Variants in HOXA3 observed in about 807,000 individuals in gnomAD.
The protein encoded by HOXA3 is homeobox A3.
A neutral mutation model predicts 30.3 loss-of-function variants in HOXA3; 8 were observed. The ratio of observed to expected loss-of-function variants is 0.26; its 90% CI spans 0.15 to 0.48. HOXA3 has a LOEUF of 0.48. Among genes scored for constraint, HOXA3 ranks in the 20% least tolerant of loss-of-function variants. HOXA3 has a pLI of 0.99. For missense variants in HOXA3, 653 were observed against 614.4 expected (o/e 1.06, Z -0.66); for synonymous variants, 323 against 273.1 (o/e 1.18, Z -1.80).
At chr7:27,137,392 C>A (rs968768802) in intron 2 of HOXA3, among the ~76,000 whole-genome samples, 5 of 152,142 alleles carry the variant, frequency 3.3e-5, no homozygotes, top group African/African-American at 7.2e-5. Context: ...CTTGTGGGAA[C>A]AAACGAGCCC....
At chr7:27,147,379 T>C in intron 1 of HOXA3, 1 of 1,614,240 alleles carries the variant, frequency 6.2e-7, no homozygotes, top group South Asian at 1.1e-5. Flanking sequence ...GCCTTCGTCA[T>C]GGAGTGCTTT....
intron 3 of HOXA3, among the ~76,000 whole-genome samples, chr7:27,126,614 G>C (rs1309411657): frequency 6.6e-6 from 1 of 152,136 alleles, no homozygotes; most frequent in Non-Finnish European, 1.5e-5. Flanking sequence ...CAACACTTAA[G>C]AAATGGCAAT....
At chr7:27,128,968 T>C in intron 2 of HOXA3, 1 of 557,636 alleles carries the variant, frequency 1.8e-6, no homozygotes, top group Admixed American at 3.1e-5. Context: ...TTCTCAGGTA[T>C]CCACACCTGG....
At chr7:27,129,603 A>G in intron 2 of HOXA3, 1 of 1,606,622 alleles carries the variant, frequency 6.2e-7, no homozygotes, top group Non-Finnish European at 8.5e-7. Context: ...ATAGAAGGCC[A>G]AGGAGGAGGG....
chr7:27,132,336 T>C (rs1278921284), intron 2 of HOXA3, among the ~76,000 whole-genome samples: 2 of 152,212 alleles, frequency 1.3e-5, no homozygotes, highest in African/African-American at 4.8e-5. Context: ...TGAAAAGGAA[T>C]GTCAATTCTA....
chr7:27,131,642 G>A (rs1374307593), intron 2 of HOXA3, among the ~76,000 whole-genome samples: 1 of 152,216 alleles, frequency 6.6e-6, no homozygotes, highest in Non-Finnish European at 1.5e-5. Context: ...GATTGTGAGA[G>A]AGAAGGTGGC....
In HOXA3 at chr7:27,130,466, A is replaced by G. The variant is rs1348793244; in HGVS notation, c.-389-3396T>C. ...GTGTCCGCGGCCCCATGCGCGGGGT[A>G]CAGCGCGGCAGCAGGGTAGGCGGGC... On this transcript the variant is annotated intron_variant, in intron 2 of 5. Transcript: ENST00000612286. 18 of 1,248,524 alleles carry G rather than the reference A, an allele frequency of 1.4e-5. No individual in the cohort carries two copies. Among genetic ancestry groups the G allele is most frequent in the African/African-American group, 3.2e-5 (2 of 62,788 alleles). 77.3% of individuals were successfully genotyped at this position (1,248,524 alleles called of 1,614,324 possible).
intron 1 of HOXA3, chr7:27,142,880 G>A: frequency 3.1e-6 from 2 of 637,766 alleles, no homozygotes; most frequent in African/African-American, 1.9e-5. Flanking sequence ...TGCTCGCAAA[G>A]AAGAGGAGGA....
chr7:27,145,631 G>C, intron 1 of HOXA3: 2 of 1,603,806 alleles, frequency 1.2e-6, no homozygotes, highest in Non-Finnish European at 1.7e-6. Context: ...GGAGGTTGCA[G>C]CGCTGGCCTG....
rs759097377 is a variant in HOXA3 at position 27,108,372 on chromosome 7, T to G, written c.875A>C (p.Gln292Pro). The G allele has an allele frequency of 6.4e-7, 1 of 1,569,522 alleles. No individual in the cohort carries two copies. Among genetic ancestry groups the G allele is most frequent in the Non-Finnish European group, 8.7e-7 (1 of 1,152,852 alleles). The change falls in exon 6 of 6, where the codon CAG becomes CCG. Residue 292 changes from glutamine to proline, a missense_variant. Gln to Pro is a moderately conservative substitution (Grantham distance 76). Coordinates refer to ENST00000612286, the MANE Select transcript of HOXA3 (RefSeq NM_153631.3). The surrounding 1 kb of genome is among the most constrained non-coding windows in gnomAD (Gnocchi z 5.0). ...GGGCTTGGAGAAGGGCGGGGGCGAC[T>G]GGGGCTCATACGGGACGCTGTTGAC... Reference protein sequence around the residue: ...SLVNSVPYEPQSPPPFSKPPQ... With the variant: ...SLVNSVPYEPPSPPPFSKPPQ...
chr7:27,130,183 G>A (rs1785465635), intron 2 of HOXA3: 1 of 1,589,218 alleles, frequency 6.3e-7, no homozygotes, highest in African/African-American at 1.4e-5. Flanking sequence ...CAGGCCCAGC[G>A]GGCTCTTGTC....
rs1480724962 is a variant in HOXA3, at chr7:27,110,672, T to C, written c.-32A>G. On this transcript the variant is annotated 5_prime_UTR_variant, in exon 5 of 6. Coordinates refer to ENST00000612286, the MANE Select transcript of HOXA3 (RefSeq NM_153631.3). ...GTTTCACGATCTTGATCGCACACTC[T>C]GACAGGGGTTTGACACCCGTGAGGG... The C allele has an allele frequency of 2.5e-6, 4 of 1,591,302 alleles. No individual in the cohort carries two copies. The highest frequency in any genetic ancestry group is 3.4e-6 in the Non-Finnish European group (4 of 1,162,022).
chr7:27,108,296 G>A lies in HOXA3; in HGVS notation c.951C>T (p.Pro317=). 1 of 1,523,662 alleles carries A rather than the reference G, an allele frequency of 6.6e-7. No homozygotes were observed. 94.4% of individuals were successfully genotyped at this position (1,523,662 alleles called of 1,614,324 possible). The change falls in exon 6 of 6, where the codon CCC becomes CCT. Residue 317 remains proline, a synonymous_variant. Coordinates refer to ENST00000612286, the MANE Select transcript of HOXA3 (RefSeq NM_153631.3). This position sits in a 1 kb window ranked among gnomAD's most constrained non-coding sequence, Gnocchi z 5.0. The part of the protein sequence containing the change: ...LPPASYPASL[P]SCAPPPPPQK... ...GTGGGGGTGGCGGGGGTGCGCAGCT[G>A]GGCAGGGACGCAGGGTAGGAGGCGG...
chr7:27,128,518 T>C (rs1429245821), intron 2 of HOXA3: 1 of 152,260 alleles, frequency 6.6e-6, no homozygotes, highest in African/African-American at 2.4e-5. Flanking sequence ...GAATCTTAGA[T>C]TTTTAATGTT....
chr7:27,132,067 C>T (rs1050999560), intron 2 of HOXA3, among the ~76,000 whole-genome samples: 1 of 152,138 alleles, frequency 6.6e-6, no homozygotes, highest in Non-Finnish European at 1.5e-5. Context: ...AATACTGATG[C>T]CTTATTTGTG....
At chr7:27,125,988 G>A (rs1467773227) in intron 3 of HOXA3, among the ~76,000 whole-genome samples, 1 of 152,200 alleles carries the variant, frequency 6.6e-6, no homozygotes, top group African/African-American at 2.4e-5. Flanking sequence ...TGAAGTCAGA[G>A]ATGCTATGCG....
intron 1 of HOXA3, chr7:27,146,008 A>G: frequency 6.9e-7 from 1 of 1,442,260 alleles, no homozygotes; most frequent in Admixed American, 2.3e-5. Flanking sequence ...CACCCAGACT[A>G]GAAACCACCC....
At chr7:27,118,744 C>G (rs1784861782) in intron 4 of HOXA3, among the ~76,000 whole-genome samples, 1 of 152,274 alleles carries the variant, frequency 6.6e-6, no homozygotes, top group Non-Finnish European at 1.5e-5. Context: ...GCACCCCAGT[C>G]TCCTCTGGCC....
rs144331106 is a variant in HOXA3 at position 27,152,266 on chromosome 7, A to G, written c.-494+22T>C. ...CTGTCGCCTCACCACCTTTGCTCCT[A>G]TCTCCTCCCCACATGTCTCACCTTC... On this transcript the variant is annotated intron_variant, in intron 1 of 5. Coordinates refer to ENST00000612286, the MANE Select transcript of HOXA3 (RefSeq NM_153631.3). 6,581 of 1,269,634 alleles carry G rather than the reference A, an allele frequency of 5.2e-3. 23 individuals carry two copies. The highest frequency in any genetic ancestry group is 6.1e-3 in the Admixed American group (257 of 41,870). The allele number at this position is 1,269,634 out of a possible 1,614,324, so 78.6% of individuals were successfully genotyped here.
Sources: allele counts gnomAD v4.1 joint callset (sites outside exome capture counted in the v4.1 genomes callset), GRCh38; gene constraint gnomAD v4.1.1; non-coding constraint Gnocchi (gnomAD v3.1); transcripts MANE v1.5; gene names NCBI Gene and HGNC (gene_info 2026-07-23, HGNC 2026-07-21).